The following LMF1 variants were observed in gnomAD, a reference collection of about 807,000 sequenced individuals.
LMF1 encodes lipase maturation factor 1.
In LMF1, 68 loss-of-function variants were observed where a neutral mutation model predicts 60.6. The ratio of observed to expected loss-of-function variants is 1.12; its 90% CI spans 0.92 to 1.37. The LOEUF (loss-of-function observed/expected upper bound fraction) is 1.37. LMF1 is among the 40% of genes most tolerant of loss of function. The probability of loss-of-function intolerance (pLI) is 0.00; values close to 1 mark genes in which losing one functional copy is unlikely to be tolerated. For synonymous variants in LMF1, 418 were observed against 324.7 expected (o/e 1.29, Z -3.09); for missense variants, 948 against 767.2 (o/e 1.24, Z -2.78).
At chr16:893,641 T>C (rs1053185309) in intron 4 of LMF1, among the ~76,000 whole-genome samples, 1 of 152,042 alleles carries the variant, frequency 6.6e-6, no homozygotes, top group African/African-American at 2.4e-5. Flanking sequence ...CCGCCAGCAC[T>C]GGGGAAGGTG....
chr16:958,148 G>A (rs552341194), intron 1 of LMF1, among the ~76,000 whole-genome samples: 4 of 152,310 alleles, frequency 2.6e-5, no homozygotes, highest in Admixed American at 1.3e-4. Flanking sequence ...CTTCCAGATG[G>A]AAATATAGAA....
intron 3 of LMF1, among the ~76,000 whole-genome samples, chr16:914,072 C>A (rs976272266): frequency 2.0e-5 from 3 of 152,130 alleles, no homozygotes; most frequent in African/African-American, 7.2e-5. Context: ...GAGGCCTGGG[C>A]GGCTGCAGCT....
chr16:895,446 C>A lies in LMF1; in HGVS notation c.664-2374G>T, dbSNP rs924548452. Among the ~76,000 whole-genome samples the A allele has an allele frequency of 5.9e-5, 9 of 152,220 alleles. No homozygotes were observed. In the East Asian group the frequency reaches 9.6e-4, roughly 16 times the overall value. ...AGAAAACCAACCACACACGGGAGGG[C>A]CTTCGGGGCGGCCGTGGGCCCCTAG... On this transcript the variant is annotated intron_variant, in intron 4 of 10. Coordinates refer to ENST00000262301, the MANE Select transcript of LMF1 (RefSeq NM_022773.4).
At chr16:975,982 G>GAGCCTCATGAACTCTGTGGACATTCAAGT, upstream of LMF1, 1 of 453,104 alleles carries the variant, frequency 2.2e-6, no homozygotes, top group East Asian at 6.9e-5. Flanking sequence ...TCCGGGCAAG[G>GAGCCTCATGAACTCTGTGGACATTCAAGT]GGCCTCATGA....
chr16:899,857 G>A (rs555782942), intron 4 of LMF1: 71 of 152,370 alleles, frequency 4.7e-4, no homozygotes, highest in South Asian at 1.7e-3. Flanking sequence ...CCGACCCCAC[G>A]AGGCTTGGGG....
At chr16:929,260 C>T (rs1319687158) in intron 3 of LMF1, among the ~76,000 whole-genome samples, 4 of 152,226 alleles carry the variant, frequency 2.6e-5, no homozygotes, top group African/African-American at 9.6e-5. Context: ...GCTGTTTCAA[C>T]CTCACCAAAC....
chr16:908,729 G>C (rs1041775076), intron 4 of LMF1, among the ~76,000 whole-genome samples: 2 of 152,240 alleles, frequency 1.3e-5, no homozygotes, highest in Admixed American at 1.3e-4. Context: ...AGCCCGCAGG[G>C]TTCACACAGT....
At chr16:967,748 C>T (rs950166824) in intron 1 of LMF1, among the ~76,000 whole-genome samples, 3 of 152,328 alleles carry the variant, frequency 2.0e-5, no homozygotes, top group East Asian at 1.9e-4. Context: ...GTCCAGGATA[C>T]GCAGGCTGCA....
At chr16:915,629 CCA>C (rs1187677469) in intron 3 of LMF1, among the ~76,000 whole-genome samples, 3 of 152,156 alleles carry the variant, frequency 2.0e-5, no homozygotes, top group African/African-American at 7.2e-5. Context: ...CTTGGCGACC[CCA>C]GTCAGAGGAT....
chr16:953,949 ACCCACCCCAAACCAG>A (rs2072580363), intron 2 of LMF1, among the ~76,000 whole-genome samples: 1 of 91,258 alleles, frequency 1.1e-5, no homozygotes, highest in Non-Finnish European at 2.3e-5. Context: ...CCACACAGAC[ACCCACCCCAAACCAG>A]CCTCCTACAT....
At chr16:890,916 G>A (rs556783921) in intron 5 of LMF1, among the ~76,000 whole-genome samples, 55 of 152,290 alleles carry the variant, frequency 3.6e-4, no homozygotes, top group African/African-American at 4.6e-4. Context: ...CCTCTGGCCC[G>A]GGCTGCCCCT....
intron 5 of LMF1, among the ~76,000 whole-genome samples, chr16:880,776 G>A (rs1310346743): frequency 1.3e-5 from 2 of 152,242 alleles, no homozygotes; most frequent in Admixed American, 6.5e-5. Flanking sequence ...TTTTCTGGAA[G>A]CCCCCAACAA....
At position 949,582 on chromosome 16, in the gene LMF1, C is replaced by T. The variant is rs556695150; in HGVS notation, c.503+4775G>A. Among the ~76,000 whole-genome samples the T allele has an allele frequency of 1.0e-4, 10 of 99,700 alleles. No homozygotes were observed. The South Asian group carries it at 2.0e-3, about 20-fold the overall frequency. The allele number at this position is 99,700 out of a possible 152,430, so 65.4% of individuals were successfully genotyped here. On this transcript the variant is annotated intron_variant, in intron 2 of 10. Transcript: ENST00000262301. The stretch of plus-strand genomic sequence containing the variant: ...GAGACAATGACAGAGTCAGAGACAA[C>T]GACAGAGTCAGAGACGACAGAGTCA...
At chr16:947,032 A>C (rs1375171149) in intron 2 of LMF1, among the ~76,000 whole-genome samples, 1 of 152,244 alleles carries the variant, frequency 6.6e-6, no homozygotes, top group East Asian at 1.9e-4. Context: ...AGTGCTAGGC[A>C]GGAGTCAGAT....
intron 2 of LMF1, among the ~76,000 whole-genome samples, chr16:951,306 A>C (rs2072461295): frequency 6.6e-6 from 1 of 152,134 alleles, no homozygotes. Flanking sequence ...AGTCAGAGCC[A>C]ATGACAGAGT....
intron 4 of LMF1, among the ~76,000 whole-genome samples, chr16:908,352 T>C (rs1426833512): frequency 6.6e-6 from 1 of 152,206 alleles, no homozygotes; most frequent in Admixed American, 6.5e-5. Flanking sequence ...GTTGCAGCTA[T>C]GCCCTCCTCC....
intron 2 of LMF1, among the ~76,000 whole-genome samples, chr16:948,531 G>A (rs1333876796): frequency 6.6e-6 from 1 of 151,338 alleles, no homozygotes; most frequent in African/African-American, 2.4e-5. Context: ...CAACGACAGA[G>A]TCAGCCAATG....
chr16:946,917 C>A (rs1404043173), intron 2 of LMF1, among the ~76,000 whole-genome samples: 1 of 152,218 alleles, frequency 6.6e-6, no homozygotes, highest in African/African-American at 2.4e-5. Flanking sequence ...CACACAGGCT[C>A]CCATATGAGA....
At position 897,674 on chromosome 16, in the gene LMF1, G is replaced by A. The variant is rs1225954928; in HGVS notation, c.664-4602C>T. Among the ~76,000 whole-genome samples, 3 of 152,138 alleles carry A rather than the reference G, an allele frequency of 2.0e-5. No individual in the cohort carries two copies. Among genetic ancestry groups the A allele is most frequent in the Non-Finnish European group, 4.4e-5 (3 of 68,016 alleles). On this transcript the variant is annotated intron_variant, in intron 4 of 10. Transcript: ENST00000262301. The surrounding 1 kb of genome is among the most constrained non-coding windows in gnomAD (Gnocchi z 4.3). ...CGAGTGCTCTGAGAGCTGGGGGTGGGTGGAAACCGTGTCTCAGGGTGAAGG... is the reference window on the plus strand; with the variant it reads ...CGAGTGCTCTGAGAGCTGGGGGTGGATGGAAACCGTGTCTCAGGGTGAAGG...
Sources: gnomAD v4.1 joint callset for allele counts (sites outside exome capture counted in the v4.1 genomes callset) on GRCh38, gnomAD v4.1.1 for gene constraint, Gnocchi (gnomAD v3.1) non-coding constraint, MANE v1.5 for transcripts, NCBI Gene and HGNC (gene_info 2026-07-23, HGNC 2026-07-21) for gene names.